SEMA3A: variants seen among roughly 807,000 people sequenced by gnomAD.
The protein encoded by SEMA3A is semaphorin-3A.
Under a neutral mutation model 97.9 loss-of-function variants are expected in SEMA3A, and 29 were observed. The observed-to-expected ratio is 0.30, with a 90% CI of 0.22 to 0.40. SEMA3A has a LOEUF of 0.40. SEMA3A is among the 10% of genes least tolerant of loss of function. The pLI is 1.00. For synonymous variants in SEMA3A, 321 were observed against 323.7 expected (o/e 0.99, Z 0.09); for missense variants, 763 against 951.3 (o/e 0.80, Z 2.60).
intron 1 of SEMA3A, among the ~76,000 whole-genome samples, chr7:84,426,204 A>G (rs1196711133): frequency 6.6e-6 from 1 of 151,882 alleles, no homozygotes; most frequent in African/African-American, 2.4e-5. Flanking sequence ...ATCAAGAAAC[A>G]CTTGTACCCT....
At chr7:84,304,948 A>G (rs1442601117) in intron 3 of SEMA3A, among the ~76,000 whole-genome samples, 2 of 151,906 alleles carry the variant, frequency 1.3e-5, no homozygotes, top group Non-Finnish European at 1.5e-5. Flanking sequence ...TTATTATGAG[A>G]TTGCTAGTAA....
chr7:84,470,536 C>A (rs1806119120), intron 1 of SEMA3A, among the ~76,000 whole-genome samples: 1 of 152,022 alleles, frequency 6.6e-6, no homozygotes, highest in Admixed American at 6.6e-5. Flanking sequence ...ATGGGTCTTA[C>A]CTTTGCCGTG....
Position 84,371,031 on chromosome 7 carries a change from T to C in SEMA3A, c.-169+793A>G, listed in dbSNP as rs117859797. The stretch of plus-strand genomic sequence containing the variant: ...GGAGGTAAATAGGTAGGTATATAGA[T>C]AGGTAATATGTATATCTACCCTATC... On this transcript the variant is annotated intron_variant, in intron 2 of 3. Transcript: ENST00000424555. 4.3e-3 allele frequency among the ~76,000 whole-genome samples: 652 copies of C among 151,536 alleles called. 6 individuals carry two copies. The highest frequency in any genetic ancestry group is 0.027 in the Middle Eastern group (8 of 294).
intron 2 of SEMA3A, among the ~76,000 whole-genome samples, chr7:84,330,657 T>C (rs1045623422): frequency 2.6e-5 from 4 of 152,078 alleles, no homozygotes; most frequent in Non-Finnish European, 5.9e-5. Flanking sequence ...TCACTTTTTT[T>C]CCCCCTGTGG....
chr7:84,129,516 G>A (rs1447954951), intron 2 of SEMA3A, among the ~76,000 whole-genome samples: 2 of 152,144 alleles, frequency 1.3e-5, no homozygotes, highest in African/African-American at 4.8e-5. Context: ...TGAGAATTTA[G>A]TGAAGAGAAG....
At chr7:84,373,518 AATTT>A (rs1484911857) in intron 1 of SEMA3A, among the ~76,000 whole-genome samples, 12 of 152,152 alleles carry the variant, frequency 7.9e-5, no homozygotes, top group Non-Finnish European at 1.5e-4. Flanking sequence ...CCCCAAAGTA[AATTT>A]ATATTTTTGA....
intron 4 of SEMA3A, among the ~76,000 whole-genome samples, chr7:84,105,314 T>C (rs1033092987): frequency 1.4e-4 from 21 of 152,212 alleles, no homozygotes; most frequent in African/African-American, 4.8e-4. Flanking sequence ...CATTACCTAG[T>C]ACTTAAATAA....
At chr7:84,347,188 T>C (rs1802319704) in intron 2 of SEMA3A, among the ~76,000 whole-genome samples, 1 of 152,166 alleles carries the variant, frequency 6.6e-6, no homozygotes, top group Non-Finnish European at 1.5e-5. Context: ...GTGCTAGATA[T>C]TTATCCAAAA....
chr7:84,318,613 C>T lies in SEMA3A; in HGVS notation c.-168-11321G>A, dbSNP rs1158184939. The stretch of plus-strand genomic sequence containing the variant: ...CTGGGATTACAGGCGTGAGCCATCG[C>T]GCCCGGCCGATTTCTTGGTTTTATA... On this transcript the variant is annotated intron_variant, in intron 2 of 3. Transcript: ENST00000424555. Among the ~76,000 whole-genome samples, 5 of 152,148 alleles carry T rather than the reference C, an allele frequency of 3.3e-5. No individual in the cohort carries two copies. In the East Asian group the frequency reaches 5.8e-4, roughly 18 times the overall value.
Position 84,308,216 on chromosome 7 carries a change from T to C in SEMA3A, c.-168-924A>G, listed in dbSNP as rs536258389. 3.9e-5 allele frequency among the ~76,000 whole-genome samples: 6 copies of C among 152,246 alleles called. No individual in the cohort carries two copies. The South Asian group carries it at 1.2e-3, about 32-fold the overall frequency. On this transcript the variant is annotated intron_variant, in intron 2 of 3. Coordinates refer to the SEMA3A transcript ENST00000424555. ...CCATATATTTAAAAAATAGAATATATTGTCCTATATGCATTTTTCGGCAGA... is the reference window on the plus strand; with the variant it reads ...CCATATATTTAAAAAATAGAATATACTGTCCTATATGCATTTTTCGGCAGA...
intron 3 of SEMA3A, among the ~76,000 whole-genome samples, chr7:84,223,631 T>C (rs1798929036): frequency 6.6e-6 from 1 of 151,758 alleles, no homozygotes; most frequent in Non-Finnish European, 1.5e-5. Flanking sequence ...AGAATGGGGA[T>C]TCTAAAAACC....
At chr7:84,090,408 C>T (rs769821031) in intron 4 of SEMA3A, among the ~76,000 whole-genome samples, 123 of 151,796 alleles carry the variant, frequency 8.1e-4, no homozygotes, top group Non-Finnish European at 1.5e-3. Context: ...ACAGGCAATA[C>T]AATGTTTGCA....
chr7:84,311,125 T>G (rs899690556), intron 2 of SEMA3A, among the ~76,000 whole-genome samples: 2 of 151,914 alleles, frequency 1.3e-5, no homozygotes, highest in African/African-American at 4.8e-5. Flanking sequence ...TTCAATATTT[T>G]ATTAATAATC....
At position 84,258,905 on chromosome 7, in the gene SEMA3A, AT is replaced by A. The variant is rs200676381; in HGVS notation, c.-83+48301del. Among the ~76,000 whole-genome samples, 753 of 141,040 alleles carry A rather than the reference AT, an allele frequency of 5.3e-3. 2 individuals are homozygous for A. The highest frequency in any genetic ancestry group is 7.5e-3 in the Middle Eastern group (2 of 268). The allele number at this position is 141,040 out of a possible 152,430, so 92.5% of individuals were successfully genotyped here. A position where few individuals can be genotyped will look rare whatever the true frequency, so the allele number is the denominator to read the frequency against. ...GGGATTATCTAAACCAGAAGGGATG[AT>A]TTTTTTTTTTTTTTCCTTTTCTGAG... On this transcript the variant is annotated intron_variant, in intron 3 of 3. Coordinates refer to the SEMA3A transcript ENST00000424555.
chr7:84,082,176 G>A (rs1794188637), intron 4 of SEMA3A, among the ~76,000 whole-genome samples: 1 of 152,184 alleles, frequency 6.6e-6, no homozygotes, highest in African/African-American at 2.4e-5. Flanking sequence ...TCTCTTCTAA[G>A]TTGTATCATC....
intron 12 of SEMA3A, among the ~76,000 whole-genome samples, chr7:83,998,195 AT>A (rs1352025632): frequency 6.6e-6 from 1 of 152,132 alleles, no homozygotes; most frequent in Non-Finnish European, 1.5e-5. Flanking sequence ...TGAGAAATGC[AT>A]CATTATGTGA....
intron 3 of SEMA3A, among the ~76,000 whole-genome samples, chr7:84,259,816 A>C (rs894865362): frequency 1.4e-5 from 2 of 143,686 alleles, no homozygotes; most frequent in Non-Finnish European, 3.0e-5. Context: ...CACACGCACA[A>C]AAAAAAAAAA....
At chr7:84,312,538 A>G (rs1445360874) in intron 2 of SEMA3A, among the ~76,000 whole-genome samples, 1 of 151,614 alleles carries the variant, frequency 6.6e-6, no homozygotes, top group East Asian at 1.9e-4. Flanking sequence ...AAGATCTTGT[A>G]AACTTTCATA....
intron 1 of SEMA3A, among the ~76,000 whole-genome samples, chr7:84,152,776 T>C (rs1292809695): frequency 6.6e-6 from 1 of 152,060 alleles, no homozygotes; most frequent in Non-Finnish European, 1.5e-5. Flanking sequence ...TTTCATAAAA[T>C]TTCCAAGATT....
Sources: gnomAD v4.1 joint callset for allele counts (sites outside exome capture counted in the v4.1 genomes callset) on GRCh38, gnomAD v4.1.1 for gene constraint, MANE v1.5 for transcripts, NCBI Gene and HGNC (gene_info 2026-07-23, HGNC 2026-07-21) for gene names.